DLG2: variants seen among roughly 807,000 people sequenced by gnomAD.
The protein encoded by DLG2 is disks large homolog 2.
Under a neutral mutation model 132.5 loss-of-function variants are expected in DLG2, and 45 were observed. That is an observed-to-expected ratio of 0.34 (90% CI 0.27 to 0.44). DLG2 has a LOEUF of 0.44. Ranked by LOEUF, DLG2 falls within the 20% of genes least tolerant of loss-of-function variation. The pLI, the probability that DLG2 is intolerant of heterozygous loss-of-function variation, is 1.00. For missense variants in DLG2, 1,045 were observed against 1,196.9 expected (o/e 0.87, Z 1.87); for synonymous variants, 424 against 419.6 (o/e 1.01, Z -0.13).
At chr11:83,611,472 C>G (rs1226734456) in intron 19 of DLG2, among the ~76,000 whole-genome samples, 1 of 152,110 alleles carries the variant, frequency 6.6e-6, no homozygotes. Context: ...GATGACTGGC[C>G]CTAGACAAAC....
chr11:84,243,797 A>C (rs1267432267), intron 8 of DLG2, among the ~76,000 whole-genome samples: 2 of 152,316 alleles, frequency 1.3e-5, no homozygotes, highest in East Asian at 3.9e-4. Flanking sequence ...CACCAGTTCA[A>C]GATTCAGTCA....
intron 3 of DLG2, among the ~76,000 whole-genome samples, chr11:85,536,189 C>A (rs951525963): frequency 6.9e-6 from 1 of 144,060 alleles, no homozygotes; most frequent in African/African-American, 2.6e-5. Flanking sequence ...GAACTCCAGC[C>A]TGGCAACAGA....
intron 17 of DLG2, among the ~76,000 whole-genome samples, chr11:83,815,640 G>T (rs2048665948): frequency 6.6e-6 from 1 of 152,174 alleles, no homozygotes; most frequent in South Asian, 2.1e-4. Flanking sequence ...GAGAATGGAA[G>T]AAAGTGGTGG....
rs568195776 is a variant in DLG2, at chr11:85,005,650, A to C, written c.357+106011T>G. On this transcript the variant is annotated intron_variant, in intron 6 of 27. Transcript: ENST00000376104. ...AGACTGAGGTGACGGGGTTTTCTAAATATATAATCATGTCATCTGCAAACA... is the reference window on the plus strand; with the variant it reads ...AGACTGAGGTGACGGGGTTTTCTAACTATATAATCATGTCATCTGCAAACA... Among the ~76,000 whole-genome samples, 34 of 152,312 alleles carry C rather than the reference A, an allele frequency of 2.2e-4. 3 individuals carry two copies. Among genetic ancestry groups the C allele is most frequent in the African/African-American group, 8.2e-4 (34 of 41,568 alleles).
intron 7 of DLG2, among the ~76,000 whole-genome samples, chr11:84,473,976 G>C (rs996636716): frequency 1.3e-5 from 2 of 151,976 alleles, no homozygotes; most frequent in Admixed American, 6.6e-5. Flanking sequence ...GTGTTTCTCA[G>C]AGAGGTGGTA....
chr11:85,597,086 A>C (rs1414910599), intron 3 of DLG2, among the ~76,000 whole-genome samples: 1 of 152,222 alleles, frequency 6.6e-6, no homozygotes, highest in African/African-American at 2.4e-5. Context: ...ATTGGCGTTA[A>C]GCCAAGATAT....
chr11:84,239,276 G>C (rs1419334257), intron 8 of DLG2, among the ~76,000 whole-genome samples: 1 of 151,956 alleles, frequency 6.6e-6, no homozygotes, highest in Non-Finnish European at 1.5e-5. Flanking sequence ...AACCTTCTGG[G>C]TTCAAGTGAT....
At chr11:84,750,136 G>C (rs1475628314) in intron 6 of DLG2, among the ~76,000 whole-genome samples, 1 of 152,048 alleles carries the variant, frequency 6.6e-6, no homozygotes, top group Non-Finnish European at 1.5e-5. Context: ...AAAGATGGTA[G>C]ACTTTGCTCT....
chr11:83,790,556 G>A, intron 17 of DLG2: 1 of 1,286,604 alleles, frequency 7.8e-7, no homozygotes, highest in Non-Finnish European at 1.1e-6. Flanking sequence ...TCAAATGACA[G>A]AGCATACTTT....
At chr11:85,072,545 C>A (rs768695776) in intron 6 of DLG2, among the ~76,000 whole-genome samples, 2 of 151,786 alleles carry the variant, frequency 1.3e-5, no homozygotes, top group Non-Finnish European at 2.9e-5. Context: ...ATTTAACACA[C>A]CCTCCTTGCC....
intron 10 of DLG2, among the ~76,000 whole-genome samples, chr11:84,068,265 G>C (rs757590873): frequency 6.6e-6 from 1 of 152,242 alleles, no homozygotes; most frequent in Non-Finnish European, 1.5e-5. Flanking sequence ...TAATTGTCCA[G>C]TTTGAGAAGA....
intron 3 of DLG2, among the ~76,000 whole-genome samples, chr11:85,497,610 C>T (rs187210293): frequency 2.6e-5 from 4 of 152,146 alleles, no homozygotes; most frequent in Admixed American, 2.6e-4. Flanking sequence ...AAGAGCAACA[C>T]CAAGACACAA....
intron 6 of DLG2, among the ~76,000 whole-genome samples, chr11:84,858,547 T>C (rs555167499): frequency 6.6e-6 from 1 of 152,076 alleles, no homozygotes; most frequent in Admixed American, 6.6e-5. Context: ...TTGTCTCATA[T>C]CTTATTTCTA....
chr11:83,974,783 A>G (rs1565874376), intron 12 of DLG2, among the ~76,000 whole-genome samples: 1 of 152,094 alleles, frequency 6.6e-6, no homozygotes, highest in Non-Finnish European at 1.5e-5. Flanking sequence ...CAGATTAGGT[A>G]GAATCAGTGC....
chr11:84,906,385 C>CAA (rs2091518023), intron 6 of DLG2, among the ~76,000 whole-genome samples: 1 of 142,688 alleles, frequency 7.0e-6, no homozygotes, highest in Non-Finnish European at 1.5e-5. Context: ...AAGGCTAACA[C>CAA]ACACACACAC....
Position 84,254,733 on chromosome 11 carries a change from TC to T in DLG2, c.520-3443del, listed in dbSNP as rs2097438477. ...TAGGATGTAGAGTCTGTGAATGGAC[TC>T]CACTTGAAGTAGAGGACAAGAATTT... On this transcript the variant is annotated intron_variant, in intron 7 of 27. Transcript: ENST00000376104. 5.9e-5 allele frequency among the ~76,000 whole-genome samples: 9 copies of T among 152,182 alleles called. No individual in the cohort carries two copies. In the South Asian group the frequency reaches 1.9e-3, roughly 31 times the overall value.
chr11:85,049,430 T>G (rs957237903), intron 6 of DLG2, among the ~76,000 whole-genome samples: 1 of 143,142 alleles, frequency 7.0e-6, no homozygotes, highest in South Asian at 2.2e-4. Context: ...CCACAAGTAT[T>G]TGCTATATCA....
Position 83,526,227 on chromosome 11 carries a change from A to T in DLG2, c.2193+6481T>A, listed in dbSNP as rs2095606080. ...GTCGGGACAAATGTCCAAGGATGAT[A>T]GTCCTCTCTGATCTCTTTAGAAATG... is the stretch of plus-strand genomic sequence containing the variant. On this transcript the variant is annotated intron_variant, in intron 21 of 27. Coordinates refer to ENST00000376104, the MANE Select transcript of DLG2 (RefSeq NM_001142699.3). 2.6e-5 allele frequency among the ~76,000 whole-genome samples: 4 copies of T among 152,330 alleles called. No homozygotes were observed. The South Asian group carries it at 8.3e-4, about 32-fold the overall frequency.
At chr11:83,554,780 A>G (rs1401865476) in intron 19 of DLG2, among the ~76,000 whole-genome samples, 2 of 152,186 alleles carry the variant, frequency 1.3e-5, no homozygotes, top group African/African-American at 4.8e-5. Flanking sequence ...CAGTTGGTAA[A>G]GCAATCAGAG....
Sources: allele counts gnomAD v4.1 joint callset (sites outside exome capture counted in the v4.1 genomes callset), GRCh38; gene constraint gnomAD v4.1.1; transcripts MANE v1.5; gene names NCBI Gene and HGNC (gene_info 2026-07-23, HGNC 2026-07-21).